ELP1: variants seen among roughly 807,000 people sequenced by gnomAD.
The protein encoded by ELP1 is elongator acetyltransferase complex subunit 1.
A neutral mutation model predicts 183.2 loss-of-function variants in ELP1; 131 were observed. That is an observed-to-expected ratio of 0.72 (90% CI 0.62 to 0.83). The LOEUF (loss-of-function observed/expected upper bound fraction) is 0.83, where lower values mean the gene tolerates loss of function less well. ELP1 is among the 40% of genes least tolerant of loss of function. The pLI, the probability that ELP1 is intolerant of heterozygous loss-of-function variation, is 0.00. For missense variants in ELP1, 1,550 were observed against 1,594.9 expected, an observed-to-expected ratio of 0.97 and a Z score of 0.48; for synonymous variants, 555 against 569.0, an observed-to-expected ratio of 0.98 and a Z score of 0.35.
At position 108,878,057 on chromosome 9, in the gene ELP1, A is replaced by G; in HGVS notation, c.3793T>C (p.Leu1265=). Residue 1265 remains leucine, a synonymous_variant, in exon 35 of 37, where the codon TTG becomes CTG. Coordinates refer to ENST00000374647, the MANE Select transcript of ELP1 (RefSeq NM_003640.5). Reference sequence around the variant, plus strand: ...ATTTCTGGAAGTGACCTTTCCATCAACTGCAGCGTATCTTCAAAGGCCTTC... The same window carrying G: ...ATTTCTGGAAGTGACCTTTCCATCAGCTGCAGCGTATCTTCAAAGGCCTTC... ...LQKAFEDTLQ[L]MERSLPEIWT... 1 of 1,614,088 alleles carries G rather than the reference A, an allele frequency of 6.2e-7. No individual in the cohort carries two copies. Among genetic ancestry groups the G allele is most frequent in the Non-Finnish European group, 8.5e-7 (1 of 1,179,954 alleles).
chr9:108,918,958 G>A, intron 7 of ELP1, 57 bp from the exon 8 acceptor site: 1 of 1,318,380 alleles, frequency 7.6e-7, no homozygotes, highest in Non-Finnish European at 1.1e-6. Flanking sequence ...GATAAAAGTT[G>A]TCAATTCAGA....
chr9:108,920,380 C>G (rs1193954341), intron 6 of ELP1, among the ~76,000 whole-genome samples: 1 of 151,406 alleles, frequency 6.6e-6, no homozygotes, highest in Non-Finnish European at 1.5e-5. Flanking sequence ...CTCCCAGGTA[C>G]AAGTGATTCT....
At chr9:108,920,768 C>T (rs1829616720) in intron 6 of ELP1, among the ~76,000 whole-genome samples, 1 of 152,064 alleles carries the variant, frequency 6.6e-6, no homozygotes, top group Non-Finnish European at 1.5e-5. Flanking sequence ...CAAACCAAGA[C>T]GAGGCCCTAG....
intron 33 of ELP1, 146 bp downstream of exon 33, chr9:108,879,300 A>G: frequency 4.2e-6 from 3 of 707,420 alleles, no homozygotes; most frequent in East Asian, 2.7e-5. Flanking sequence ...ATATGCTGGG[A>G]AAGTGTCTGA....
rs141324198 is a variant in ELP1 at position 108,902,856 on chromosome 9, C to T, written c.1837G>A (p.Ala613Thr). The T allele has an allele frequency of 3.4e-5, 55 of 1,613,530 alleles. No individual in the cohort carries two copies. In the East Asian group the frequency reaches 1.1e-3, roughly 33 times the overall value. ...TCACCTACCTCTTCTCCAATCATGG[C>T]CAATTCGGTCTGGGTGCATGGATAA... is the stretch of plus-strand genomic sequence containing the variant. ...FPYPCTQTEL[A>T]MIGEEECVLG... Residue 613 changes from alanine to threonine, a missense_variant, in exon 16 of 37, where the codon GCC (alanine) becomes ACC (threonine). By Grantham distance (58) the Ala-to-Thr change is moderately conservative. Coordinates refer to ENST00000374647, the MANE Select transcript of ELP1 (RefSeq NM_003640.5).
intron 29 of ELP1, among the ~76,000 whole-genome samples, chr9:108,884,025 C>T (rs1008135091): frequency 6.6e-6 from 1 of 150,710 alleles, no homozygotes; most frequent in Non-Finnish European, 1.5e-5. Context: ...ACCAATAATG[C>T]TATCAACAAG....
intron 29 of ELP1, among the ~76,000 whole-genome samples, chr9:108,887,691 T>A (rs1828177518): frequency 6.6e-6 from 1 of 152,190 alleles, no homozygotes; most frequent in Non-Finnish European, 1.5e-5. Flanking sequence ...CAGCCAAGAT[T>A]CTTGGCCCAT....
At position 108,918,876 on chromosome 9, in the gene ELP1, G is replaced by C; in HGVS notation, c.675C>G (p.Asn225Lys). ...ETGARKVRVW[N>K]REFALQSTSE... ...TGGTTGACTGCAAAGCAAACTCTCG[G>C]TTCCACACTCTGACCTTCCGAGCCC... is the stretch of plus-strand genomic sequence containing the variant. Residue 225 changes from asparagine to lysine, a missense_variant, in exon 8 of 37, where the codon AAC becomes AAG. By Grantham distance (94) the Asn-to-Lys change is moderately conservative. Coordinates refer to ENST00000374647, the MANE Select transcript of ELP1 (RefSeq NM_003640.5). 6.2e-7 allele frequency: 1 copy of C among 1,614,112 alleles called. No homozygotes were observed. Among genetic ancestry groups the C allele is most frequent in the East Asian group, 2.2e-5 (1 of 44,876 alleles).
chr9:108,902,750 C>A, intron 16 of ELP1, 89 bp downstream of exon 16: 1 of 930,628 alleles, frequency 1.1e-6, no homozygotes. Context: ...AGACCCAAGT[C>A]CACCTCCAAA....
chr9:108,904,752 ATAAG>A (rs1265733507), intron 14 of ELP1, among the ~76,000 whole-genome samples: 16 of 152,364 alleles, frequency 1.1e-4, no homozygotes, highest in African/African-American at 3.8e-4. Context: ...ATTATGAGAA[ATAAG>A]TAAGCTAAAA....
chr9:108,898,502 T>C lies in ELP1; in HGVS notation c.2363A>G (p.Lys788Arg), dbSNP rs1265243953. The C allele has an allele frequency of 2.0e-6, 3 of 1,503,576 alleles. No individual in the cohort carries two copies. In the Admixed American group the frequency reaches 5.1e-5, roughly 25 times the overall value. The allele number at this position is 1,503,576 out of a possible 1,614,324, so 93.1% of individuals were successfully genotyped here. A position where few individuals can be genotyped will look rare whatever the true frequency, so the allele number is the denominator to read the frequency against. ...CACATGAATTATTCAAAATACTTACTTCAATTCTGTAAAAAACAAGTTAAT... is the reference window on the plus strand; with the variant it reads ...CACATGAATTATTCAAAATACTTACCTCAATTCTGTAAAAAACAAGTTAAT... ...NHINLFFTEL[K>R]EEDVTKTMYP... The change falls in exon 22 of 37, where the codon AAA becomes AGA. Residue 788 changes from lysine to arginine, a missense_variant and splice_region_variant. Coordinates refer to ENST00000374647, the MANE Select transcript of ELP1 (RefSeq NM_003640.5).
At chr9:108,873,408 A>C (rs1315881694) in intron 36 of ELP1, among the ~76,000 whole-genome samples, 2 of 152,178 alleles carry the variant, frequency 1.3e-5, no homozygotes, top group Non-Finnish European at 2.9e-5. Context: ...ATCAGTGGCA[A>C]TTTTTGAATT....
At position 108,868,501 on chromosome 9, in the gene ELP1, T is replaced by C. The variant is rs1009766306; in HGVS notation, c.*614A>G. ...TCTAGCTCTAACATTGCTAACTCTC[T>C]AGCAGAAAATACACAGGCAGTAAAA... On this transcript the variant is annotated 3_prime_UTR_variant, in exon 37 of 37. Coordinates refer to ENST00000374647, the MANE Select transcript of ELP1 (RefSeq NM_003640.5). The C allele has an allele frequency of 5.0e-6, 2 of 397,056 alleles. No individual in the cohort carries two copies. Among genetic ancestry groups the C allele is most frequent in the Non-Finnish European group, 8.9e-6 (2 of 224,366 alleles). The allele number at this position is 397,056 out of a possible 1,614,324, so 24.6% of individuals were successfully genotyped here.
chr9:108,898,852 C>A, intron 20 of ELP1, 103 bp from the exon 21 acceptor site: 1 of 786,184 alleles, frequency 1.3e-6, no homozygotes, highest in Non-Finnish European at 2.2e-6. Context: ...AATCAGATTA[C>A]AGCCCCAATG....
chr9:108,924,872 C>A (rs2132040666), intron 5 of ELP1, among the ~76,000 whole-genome samples: 1 of 152,280 alleles, frequency 6.6e-6, no homozygotes, highest in South Asian at 2.1e-4. Context: ...TGGCTGGAGT[C>A]CTGCTCAACT....
At chr9:108,882,294 G>T in intron 29 of ELP1, 107 bp from the exon 30 acceptor site, 1 of 860,754 alleles carries the variant, frequency 1.2e-6, no homozygotes, top group East Asian at 2.5e-5. Context: ...CCTGGCCAGG[G>T]GAGAACTCCT....
At chr9:108,919,622 A>C (rs180955110) in intron 6 of ELP1, among the ~76,000 whole-genome samples, 62 of 152,264 alleles carry the variant, frequency 4.1e-4, no homozygotes, top group East Asian at 3.1e-3. Context: ...AGAGCTACAG[A>C]TCTAGATCCT....
At position 108,898,761 on chromosome 9, in the gene ELP1, CAGAG is replaced by C. The variant is rs747070308; in HGVS notation, c.2205-16_2205-13del. The C allele has an allele frequency of 1.3e-6, 2 of 1,587,018 alleles. No homozygotes were observed. Among genetic ancestry groups the C allele is most frequent in the South Asian group, 1.1e-5 (1 of 90,574 alleles). ...CTTTAAACATAAGTCTGTGAGAAGA[CAGAG>C]AAAGAATAGAAAAGATATTCACAAA... On this transcript the variant is annotated splice_polypyrimidine_tract_variant and intron_variant, in intron 20 of 36. Coordinates refer to ENST00000374647, the MANE Select transcript of ELP1 (RefSeq NM_003640.5).
At position 108,878,635 on chromosome 9, in the gene ELP1, C is replaced by G. The variant is rs764936574; in HGVS notation, c.3688G>C (p.Glu1230Gln). 14 of 1,614,108 alleles carry G rather than the reference C, an allele frequency of 8.7e-6. No homozygotes were observed. The highest frequency in any genetic ancestry group is 3.3e-5 in the Admixed American group (2 of 60,000). ...EALSEVVQNTENLKDEVYHIL... is the reference protein window; with the variant it reads ...EALSEVVQNTQNLKDEVYHIL... ...ACTGAGAATATACCTTTCAGGTTTT[C>G]AGTGTTCTGCACCACTTCACTCAGT... Residue 1230 changes from glutamate (E) to glutamine (Q), a missense_variant, in exon 34 of 37, where the codon GAA (glutamate) becomes CAA (glutamine). By Grantham distance (29) the Glu-to-Gln change is conservative. Transcript: ENST00000374647.
Sources: allele counts gnomAD v4.1 joint callset (sites outside exome capture counted in the v4.1 genomes callset), GRCh38; gene constraint gnomAD v4.1.1; transcripts MANE v1.5; gene names NCBI Gene and HGNC (gene_info 2026-07-23, HGNC 2026-07-21).